CTNNA3: variants seen among roughly 807,000 people sequenced by gnomAD.
CTNNA3 encodes the protein catenin alpha-3.
Under a neutral mutation model 95.7 loss-of-function variants are expected in CTNNA3, and 76 were observed. That is an observed-to-expected ratio of 0.79 (90% CI 0.66 to 0.96). The LOEUF (loss-of-function observed/expected upper bound fraction) is 0.96. Ranked by LOEUF, CTNNA3 falls within the 40% of genes least tolerant of loss-of-function variation. The probability of loss-of-function intolerance (pLI) is 0.00; values close to 1 mark genes in which losing one functional copy is unlikely to be tolerated. For synonymous variants in CTNNA3, 431 were observed against 374.4 expected (o/e 1.15, Z -1.74); for missense variants, 1,191 against 1,089.8 (o/e 1.09, Z -1.31).
chr10:66,513,856 C>T (rs1225748575), intron 11 of CTNNA3, among the ~76,000 whole-genome samples: 1 of 152,128 alleles, frequency 6.6e-6, no homozygotes, highest in African/African-American at 2.4e-5. Context: ...TGCCTATTCC[C>T]TGGGATTTAG....
At chr10:66,296,407 C>T (rs888290823) in intron 12 of CTNNA3, among the ~76,000 whole-genome samples, 5 of 152,068 alleles carry the variant, frequency 3.3e-5, no homozygotes, top group Non-Finnish European at 5.9e-5. Flanking sequence ...AACAAAAGCA[C>T]GAAATTCTGT....
chr10:66,373,977 A>G (rs1326578429), intron 12 of CTNNA3, among the ~76,000 whole-genome samples: 1 of 152,212 alleles, frequency 6.6e-6, no homozygotes, highest in Non-Finnish European at 1.5e-5. Context: ...CCTTTGACAC[A>G]GCCCACTGTT....
intron 17 of CTNNA3, among the ~76,000 whole-genome samples, chr10:65,965,467 C>T (rs576117781): frequency 8.6e-5 from 12 of 139,356 alleles, no homozygotes; most frequent in South Asian, 6.8e-4. Flanking sequence ...TGCAGTGGCA[C>T]GATCTCGGCT....
chr10:66,175,427 G>A (rs1477045477), intron 13 of CTNNA3, among the ~76,000 whole-genome samples: 2 of 152,192 alleles, frequency 1.3e-5, no homozygotes, highest in African/African-American at 4.8e-5. Context: ...GTCAACACCA[G>A]TGGATGCAGT....
At chr10:67,344,622 AC>A (rs1279744826) in intron 5 of CTNNA3, among the ~76,000 whole-genome samples, 1 of 151,792 alleles carries the variant, frequency 6.6e-6, no homozygotes, top group Non-Finnish European at 1.5e-5. Context: ...AGATTGTTTC[AC>A]CTTATTAGCT....
At chr10:66,897,477 G>T (rs146946830) in intron 7 of CTNNA3, among the ~76,000 whole-genome samples, 32 of 152,018 alleles carry the variant, frequency 2.1e-4, no homozygotes, top group Middle Eastern at 6.9e-3. Context: ...AAAATTAAAA[G>T]AAAATTTAAA....
At chr10:66,223,772 T>A (rs565196845) in intron 13 of CTNNA3, among the ~76,000 whole-genome samples, 28 of 152,312 alleles carry the variant, frequency 1.8e-4, no homozygotes, top group African/African-American at 6.0e-4. Context: ...GATAAAATAT[T>A]CTTTCTGGTT....
intron 5 of CTNNA3, chr10:67,346,854 T>C (rs910847116): frequency 2.3e-5 from 7 of 304,354 alleles, no homozygotes; most frequent in Admixed American, 2.2e-4. Context: ...TGCCACATCA[T>C]TGTCCCTCCT....
At chr10:67,629,553 T>C (rs1050088905) in intron 2 of CTNNA3, among the ~76,000 whole-genome samples, 5 of 152,184 alleles carry the variant, frequency 3.3e-5, no homozygotes, top group African/African-American at 1.2e-4. Context: ...ATCCCCACTC[T>C]AGCACAAGCA....
intron 11 of CTNNA3, among the ~76,000 whole-genome samples, chr10:66,426,652 C>T (rs1269112709): frequency 1.3e-5 from 2 of 151,594 alleles, no homozygotes; most frequent in East Asian, 3.9e-4. Flanking sequence ...TTTCTAGTAG[C>T]TTTTAAATTG....
chr10:66,164,917 T>A (rs557555176), intron 13 of CTNNA3, among the ~76,000 whole-genome samples: 40 of 152,248 alleles, frequency 2.6e-4, no homozygotes, highest in African/African-American at 9.4e-4. Flanking sequence ...TAGGTCACAT[T>A]ATATTTGGGA....
rs566871476 is a variant in CTNNA3 at position 66,467,453 on chromosome 10, C to T, written c.1531+53164G>A. 7.9e-5 allele frequency among the ~76,000 whole-genome samples: 12 copies of T among 152,156 alleles called. No homozygotes were observed. In the East Asian group the frequency reaches 1.7e-3, roughly 22 times the overall value. On this transcript the variant is annotated intron_variant, in intron 11 of 17. Coordinates refer to ENST00000433211, the MANE Select transcript of CTNNA3 (RefSeq NM_013266.4). ...TGCTACAAACCATATCTCTTACCCA[C>T]TCCCAGGGAGTATGATCTGACTTGC... is the stretch of plus-strand genomic sequence containing the variant.
At chr10:66,216,233 C>T (rs947322607) in intron 13 of CTNNA3, among the ~76,000 whole-genome samples, 4 of 152,196 alleles carry the variant, frequency 2.6e-5, no homozygotes, top group Non-Finnish European at 5.9e-5. Context: ...AACTTCAATC[C>T]GATCTTTGTA....
At chr10:65,982,032 A>AAAG (rs1400407130) in intron 16 of CTNNA3, among the ~76,000 whole-genome samples, 1 of 151,996 alleles carries the variant, frequency 6.6e-6, no homozygotes, top group Non-Finnish European at 1.5e-5. Flanking sequence ...CTGCACAGAA[A>AAAG]AAGAAATAAT....
At chr10:66,597,345 G>T (rs1843744003) in intron 10 of CTNNA3, among the ~76,000 whole-genome samples, 1 of 150,600 alleles carries the variant, frequency 6.6e-6, no homozygotes, top group Non-Finnish European at 1.5e-5. Context: ...GCCTTCACTG[G>T]GACACATTAT....
chr10:67,490,978 G>T (rs1044195747), intron 5 of CTNNA3, among the ~76,000 whole-genome samples: 6 of 152,058 alleles, frequency 3.9e-5, no homozygotes, highest in Non-Finnish European at 8.8e-5. Flanking sequence ...CAGGGATCTT[G>T]TAAACCATCC....
At chr10:66,733,272 G>A (rs1849021968) in intron 9 of CTNNA3, among the ~76,000 whole-genome samples, 1 of 151,898 alleles carries the variant, frequency 6.6e-6, no homozygotes, top group Non-Finnish European at 1.5e-5. Flanking sequence ...TCTCTTGTGT[G>A]TAGTAGAAAA....
rs544004560 is a variant in CTNNA3 at position 67,743,861 on chromosome 10, G to A, written c.-2+19573C>T. ...CAAGCATTCTTATACACCAATAACA[G>A]ACAAACAGAGAGCCAAATCATGAGT... On this transcript the variant is annotated intron_variant, in intron 1 of 17. Coordinates refer to the CTNNA3 transcript ENST00000684154. Among the ~76,000 whole-genome samples the A allele has an allele frequency of 4.2e-4, 63 of 151,012 alleles. 1 individual carries two copies. Among genetic ancestry groups the A allele is most frequent in the Non-Finnish European group, 5.9e-4 (40 of 67,578 alleles).
intron 11 of CTNNA3, among the ~76,000 whole-genome samples, chr10:66,449,847 C>T (rs1235220135): frequency 1.3e-5 from 2 of 152,040 alleles, no homozygotes; most frequent in Non-Finnish European, 2.9e-5. Context: ...TGAAAATGCA[C>T]ATACTGGATG....
Sources: gnomAD v4.1 joint callset for allele counts (sites outside exome capture counted in the v4.1 genomes callset) on GRCh38, gnomAD v4.1.1 for gene constraint, MANE v1.5 for transcripts, NCBI Gene and HGNC (gene_info 2026-07-23, HGNC 2026-07-21) for gene names.